PRRC2A: variants seen among roughly 807,000 people sequenced by gnomAD.
PRRC2A encodes the protein proline rich coiled-coil 2A, also known as protein PRRC2A.
In PRRC2A, 59 loss-of-function variants were observed where a neutral mutation model predicts 224.6. The ratio of observed to expected loss-of-function variants is 0.26; its 90% CI spans 0.21 to 0.33. PRRC2A has a LOEUF of 0.33. Among genes scored for constraint, PRRC2A ranks in the 10% least tolerant of loss-of-function variants. PRRC2A has a pLI of 1.00. For synonymous variants in PRRC2A, 1,194 were observed against 1,109.5 expected, an observed-to-expected ratio of 1.08 and a Z score of -1.51; for missense variants, 3,095 against 2,880.7, an observed-to-expected ratio of 1.07 and a Z score of -1.70.
In PRRC2A at chr6:31,629,551, C is replaced by A; in HGVS notation, c.1960C>A (p.Gln654Lys). ...CTTGTCTTTCCTCCTTTCCTAGGAG[C>A]AGCTCCTGAAGCAGCAGCAGCAGCA... ...PPRFQRQQQE[Q>K]LLKQQQQHQW... Residue 654 changes from glutamine (Q) to lysine (K), a missense_variant, in exon 14 of 31, where the codon CAG becomes AAG. Gln to Lys is a moderately conservative substitution (Grantham distance 53, BLOSUM62 1). Coordinates refer to ENST00000376033, the MANE Select transcript of PRRC2A (RefSeq NM_004638.4). 2 of 1,542,440 alleles carry A rather than the reference C, an allele frequency of 1.3e-6. No individual in the cohort carries two copies. Among genetic ancestry groups the A allele is most frequent in the Non-Finnish European group, 9.0e-7 (1 of 1,116,238 alleles).
Position 31,631,578 on chromosome 6 carries a change from C to T in PRRC2A, c.2905C>T (p.Leu969Phe), listed in dbSNP as rs746402424. The T allele has an allele frequency of 8.2e-6, 13 of 1,577,870 alleles. No individual in the cohort carries two copies. The highest frequency in any genetic ancestry group is 2.0e-5 in the Admixed American group (1 of 51,100). ...AGTAGAAGAGCTGCCTCCCAAGCCC[C>T]TCGAACAGGGGGATGAAACCCCCAA... ...TKVEELPPKP[L>F]EQGDETPKPP... The change falls in exon 16 of 31, where the codon CTC (leucine) becomes TTC (phenylalanine). Residue 969 changes from leucine to phenylalanine, a missense_variant. Leu to Phe is a conservative substitution (Grantham distance 22). Around this residue, in one of 8 missense-constraint regions of PRRC2A, gnomAD observed 2,001 missense variants for 1,764.9 expected, o/e 1.13. Transcript: ENST00000376033. The surrounding 1 kb of genome is among the most constrained non-coding windows in gnomAD (Gnocchi z 4.5).
Position 31,637,451 on chromosome 6 carries a change from C to G in PRRC2A, c.6339C>G (p.Ser2113=). The G allele has an allele frequency of 6.3e-7, 1 of 1,579,620 alleles. No individual in the cohort carries two copies. Among genetic ancestry groups the G allele is most frequent in the Non-Finnish European group, 8.6e-7 (1 of 1,160,324 alleles). Residue 2113 remains serine (S), a synonymous_variant, in exon 31 of 31, where the codon TCC becomes TCG. Transcript: ENST00000376033. ...TQRVDLYQQA[S]PPDALRWIPK... is the part of the protein sequence containing the mutation. ...AACACATGCCTGTCCCCTAGGCCTC[C>G]CCACCAGATGCCCTGCGCTGGATAC...
Position 31,628,003 on chromosome 6 carries a change from C to T in PRRC2A, c.1529C>T (p.Ala510Val). The T allele has an allele frequency of 8.2e-7, 1 of 1,216,666 alleles. No homozygotes were observed. The highest frequency in any genetic ancestry group is 1.1e-6 in the Non-Finnish European group (1 of 898,232). 75.4% of individuals were successfully genotyped at this position (1,216,666 alleles called of 1,614,324 possible). A position where few individuals can be genotyped will look rare whatever the true frequency, so the allele number is the denominator to read the frequency against. Reference protein sequence around the residue: ...PDKRLKAEPAAPPAAPSTPAP... With the variant: ...PDKRLKAEPAVPPAAPSTPAP... Reference sequence around the variant, plus strand: ...AAGCGGCTCAAAGCAGAGCCTGCTGCCCCACCTGCTGCCCCTTCTACCCCA... The same window carrying T: ...AAGCGGCTCAAAGCAGAGCCTGCTGTCCCACCTGCTGCCCCTTCTACCCCA... The change falls in exon 12 of 31, where the codon GCC becomes GTC. Residue 510 changes from alanine (A) to valine (V), a missense_variant. Around this residue, in one of 8 missense-constraint regions of PRRC2A, gnomAD observed 2,001 missense variants for 1,764.9 expected, o/e 1.13. Transcript: ENST00000376033.
chr6:31,635,363 G>A, intron 22 of PRRC2A, 31 bp from the exon 23 acceptor site: 1 of 1,614,070 alleles, frequency 6.2e-7, no homozygotes, highest in Non-Finnish European at 8.5e-7. Context: ...TCTGTCACGG[G>A]ACAATGTCTC....
In PRRC2A at chr6:31,636,221, A is replaced by T; in HGVS notation, c.5637A>T (p.Leu1879=). The T allele has an allele frequency of 6.2e-7, 1 of 1,612,584 alleles. No homozygotes were observed. Residue 1879 remains leucine (L), a synonymous_variant, in exon 26 of 31, where the codon CTA becomes CTT. Transcript: ENST00000376033. The surrounding 1 kb of genome is among the most constrained non-coding windows in gnomAD (Gnocchi z 4.3). Reference sequence around the variant, plus strand: ...AATTTATTTTCAGATCACAGCCCCTATACCTACCCCCCGGCCCAGCCCCTC... The same window carrying T: ...AATTTATTTTCAGATCACAGCCCCTTTACCTACCCCCCGGCCCAGCCCCTC... ...PSLHPYRSQP[L]YLPPGPAPPS...
chr6:31,635,272 G>A lies in PRRC2A; in HGVS notation c.5301G>A (p.Lys1767=), dbSNP rs1185488178. Residue 1767 remains lysine, a splice_region_variant and synonymous_variant, in exon 22 of 31, where the codon AAG becomes AAA. Coordinates refer to ENST00000376033, the MANE Select transcript of PRRC2A (RefSeq NM_004638.4). ...CAGTCCAGTTTGGCACTAGTGACAA[G>A]GTCTGTGTGGGCTGGATCTGGGTAT... ...GPPVQFGTSD[K]DSDLRLVVGD... The A allele has an allele frequency of 6.2e-7, 1 of 1,613,942 alleles. No individual in the cohort carries two copies. The highest frequency in any genetic ancestry group is 1.3e-5 in the African/African-American group (1 of 74,938).
chr6:31,631,423 G>A lies in PRRC2A; in HGVS notation c.2750G>A (p.Arg917His), dbSNP rs768431521. The part of the protein sequence containing the change: ...GSGGQGPPPP[R>H]RESRTETRWG... The stretch of plus-strand genomic sequence containing the variant: ...GGAGGCCAGGGCCCCCCACCACCAC[G>A]CAGAGAGAGTCGCACAGAGACCCGC... The change falls in exon 16 of 31, where the codon CGC (arginine) becomes CAC (histidine). Residue 917 changes from arginine to histidine, a missense_variant. Transcript: ENST00000376033. The surrounding 1 kb of genome is among the most constrained non-coding windows in gnomAD (Gnocchi z 4.5). 12 of 1,610,414 alleles carry A rather than the reference G, an allele frequency of 7.5e-6. No individual in the cohort carries two copies. Among genetic ancestry groups the A allele is most frequent in the Middle Eastern group, 1.7e-4 (1 of 6,058 alleles).
At chr6:31,624,612 C>T in intron 5 of PRRC2A, 90 bp downstream of exon 5, 1 of 1,415,830 alleles carries the variant, frequency 7.1e-7, no homozygotes, top group Non-Finnish European at 9.9e-7. Context: ...GACCTTGGTC[C>T]TCTTTGGCTA....
rs1268725422 is a variant in PRRC2A, at chr6:31,631,996, C to T, written c.3323C>T (p.Thr1108Ile). 4 of 1,611,690 alleles carry T rather than the reference C, an allele frequency of 2.5e-6. No individual in the cohort carries two copies. The highest frequency in any genetic ancestry group is 3.4e-6 in the Non-Finnish European group (4 of 1,179,232). The change falls in exon 16 of 31, where the codon ACA becomes ATA. Residue 1108 changes from threonine (T) to isoleucine (I), a missense_variant. Physicochemically the swap from Thr to Ile is moderately conservative, Grantham distance 89. This residue lies in a region of PRRC2A where 2,001 missense variants were observed against 1,764.9 expected (regional missense o/e 1.13). Coordinates refer to ENST00000376033, the MANE Select transcript of PRRC2A (RefSeq NM_004638.4). This position sits in a 1 kb window ranked among gnomAD's most constrained non-coding sequence, Gnocchi z 4.5. ...CGGCGCCGGCAGCGGGGCTCAGAAACAGGCAGCGAGACCCATGAGAGTGAT... is the reference window on the plus strand; with the variant it reads ...CGGCGCCGGCAGCGGGGCTCAGAAATAGGCAGCGAGACCCATGAGAGTGAT... ...PKRRRQRGSETGSETHESDLA... is the reference protein window; with the variant it reads ...PKRRRQRGSEIGSETHESDLA...
In PRRC2A at chr6:31,634,876, C is replaced by T. The variant is rs1430598888; in HGVS notation, c.5059C>T (p.Pro1687Ser). Residue 1687 changes from proline (P) to serine (S), a missense_variant, in exon 21 of 31, where the codon CCT becomes TCT. By Grantham distance (74) the Pro-to-Ser change is moderately conservative (BLOSUM62 -1). This residue lies in a region of PRRC2A where 662 missense variants were observed against 609.5 expected (regional missense o/e 1.09). Coordinates refer to ENST00000376033, the MANE Select transcript of PRRC2A (RefSeq NM_004638.4). ...GGCAGCAGAGGGACCCCCCAAGAGG[C>T]CTGGAGGCTCCTCACCCCTGAATGC... ...KGAAEGPPKRPGGSSPLNAVP... is the reference protein window; with the variant it reads ...KGAAEGPPKRSGGSSPLNAVP... 6.2e-7 allele frequency: 1 copy of T among 1,613,006 alleles called. No homozygotes were observed. Among genetic ancestry groups the T allele is most frequent in the Non-Finnish European group, 8.5e-7 (1 of 1,180,010 alleles).
In PRRC2A at chr6:31,632,507, C is replaced by T. The variant is rs1776754893; in HGVS notation, c.3834C>T (p.Thr1278=). ...GGTCTGAGGGCAAGCCCTCCCTAAC[C>T]CTTCCAGCCTCCGCTCCTGGACCTG... ...ARGSEGKPSL[T]LPASAPGPEE... The change falls in exon 16 of 31, where the codon ACC becomes ACT. Residue 1278 remains threonine (T), a synonymous_variant. Coordinates refer to ENST00000376033, the MANE Select transcript of PRRC2A (RefSeq NM_004638.4). The T allele has an allele frequency of 6.2e-7, 1 of 1,608,548 alleles. No individual in the cohort carries two copies. The highest frequency in any genetic ancestry group is 8.5e-7 in the Non-Finnish European group (1 of 1,177,112).
Position 31,622,810 on chromosome 6 carries a change from G to T in PRRC2A, c.21G>T (p.Pro7=). ...GCGCAATGTCCGATCGCTCGGGGCCGACTGCCAAGGGAAAGGATGGAAAGA... is the reference window on the plus strand; with the variant it reads ...GCGCAATGTCCGATCGCTCGGGGCCTACTGCCAAGGGAAAGGATGGAAAGA... MSDRSG[P]TAKGKDGKKY... is the part of the protein sequence containing the mutation. The change falls in exon 2 of 31, where the codon CCG becomes CCT. Residue 7 remains proline, a synonymous_variant. Coordinates refer to ENST00000376033, the MANE Select transcript of PRRC2A (RefSeq NM_004638.4). 1 of 1,613,928 alleles carries T rather than the reference G, an allele frequency of 6.2e-7. No individual in the cohort carries two copies. The highest frequency in any genetic ancestry group is 8.5e-7 in the Non-Finnish European group (1 of 1,179,994).
Position 31,635,682 on chromosome 6 carries a change from C to T in PRRC2A, c.5474C>T (p.Pro1825Leu). The change falls in exon 24 of 31, where the codon CCC (proline) becomes CTC (leucine). Residue 1825 changes from proline (P) to leucine (L), a missense_variant. This residue lies in a region of PRRC2A where 662 missense variants were observed against 609.5 expected (regional missense o/e 1.09). Transcript: ENST00000376033. Reference protein sequence around the residue: ...NLDSGHCVPEPSSSGQRLYPE... With the variant: ...NLDSGHCVPELSSSGQRLYPE... ...GATTCTGGGCACTGTGTCCCGGAGC[C>T]CAGCTCCTCAGGCCAGCGCCTGTAT... 6.2e-7 allele frequency: 1 copy of T among 1,612,804 alleles called. No individual in the cohort carries two copies. The highest frequency in any genetic ancestry group is 8.5e-7 in the Non-Finnish European group (1 of 1,179,880).
intron 1 of PRRC2A, 72 bp downstream of exon 1, chr6:31,620,930 C>T (rs193025229): frequency 6.7e-5 from 8 of 119,332 alleles, no homozygotes; most frequent in East Asian, 3.8e-4. Flanking sequence ...GCGGTGGCGG[C>T]GGCGGCGGCG....
In PRRC2A at chr6:31,631,513, G is replaced by A. The variant is rs564533299; in HGVS notation, c.2840G>A (p.Arg947His). The A allele has an allele frequency of 9.8e-5, 157 of 1,597,430 alleles. No homozygotes were observed. The South Asian group carries it at 1.1e-3, about 11-fold the overall frequency. ...CCAGAGGAGCCAGGGGCCCCACCCC[G>A]CCGGGCTGGGCCTATAAAGAAACCT... ...IPPEEPGAPP[R>H]RAGPIKKPPP... Residue 947 changes from arginine to histidine, a missense_variant, in exon 16 of 31, where the codon CGC (arginine) becomes CAC (histidine). Physicochemically the swap from Arg to His is conservative, Grantham distance 29. Coordinates refer to ENST00000376033, the MANE Select transcript of PRRC2A (RefSeq NM_004638.4). The surrounding 1 kb of genome is among the most constrained non-coding windows in gnomAD (Gnocchi z 4.5).
At chr6:31,621,857 A>G (rs899485417) in intron 1 of PRRC2A, among the ~76,000 whole-genome samples, 2 of 152,208 alleles carry the variant, frequency 1.3e-5, no homozygotes, top group African/African-American at 4.8e-5. Context: ...GAGTAAAGAA[A>G]CACTGGTGAT....
In PRRC2A at chr6:31,624,531, A is replaced by G; in HGVS notation, c.463+9A>G. The G allele has an allele frequency of 1.2e-6, 2 of 1,607,040 alleles. No homozygotes were observed. The highest frequency in any genetic ancestry group is 1.7e-6 in the Non-Finnish European group (2 of 1,173,584). On this transcript the variant is annotated intron_variant, in intron 5 of 30. Transcript: ENST00000376033. ...TGGAGCACATGGAGATGGTGAGTGCAGCACTTAATTGGGGAGCTGTGTCTG... is the reference window on the plus strand; with the variant it reads ...TGGAGCACATGGAGATGGTGAGTGCGGCACTTAATTGGGGAGCTGTGTCTG...
At chr6:31,634,123 ATG>A in intron 18 of PRRC2A, 111 bp from the exon 19 acceptor site, 8 of 1,564,854 alleles carry the variant, frequency 5.1e-6, no homozygotes, top group Non-Finnish European at 6.9e-6. Flanking sequence ...TTAGTCTCCC[ATG>A]TGTCTCCCTT....
At chr6:31,633,336 A>C in intron 16 of PRRC2A, 43 bp from the exon 17 acceptor site, 1 of 1,576,812 alleles carries the variant, frequency 6.3e-7, no homozygotes, top group Non-Finnish European at 8.6e-7. Flanking sequence ...GGGAAAAAGT[A>C]ACGATTTAGT....
Sources: allele counts gnomAD v4.1 joint callset (sites outside exome capture counted in the v4.1 genomes callset), GRCh38; gene constraint gnomAD v4.1.1; regional missense constraint gnomAD v4.1.1; non-coding constraint Gnocchi (gnomAD v3.1); transcripts MANE v1.5; gene names NCBI Gene and HGNC (gene_info 2026-07-23, HGNC 2026-07-21).